Variants in INPP5F observed in about 807,000 individuals in gnomAD.
The protein encoded by INPP5F is inositol polyphosphate-5-phosphatase F.
In INPP5F, 97 loss-of-function variants were observed where a neutral mutation model predicts 137.2. The ratio of observed to expected loss-of-function variants is 0.71; its 90% CI spans 0.60 to 0.84. INPP5F has a LOEUF of 0.84. Among genes scored for constraint, INPP5F ranks in the 40% least tolerant of loss-of-function variants. The probability of loss-of-function intolerance (pLI) is 0.00; values close to 1 mark genes in which losing one functional copy is unlikely to be tolerated. For synonymous variants in INPP5F, 504 were observed against 476.9 expected, an observed-to-expected ratio of 1.06 and a Z score of -0.74; for missense variants, 1,271 against 1,371.9, an observed-to-expected ratio of 0.93 and a Z score of 1.16.
rs754649105 is a variant in INPP5F, at chr10:119,798,607, A to ACAGGT, written c.1114_1116+2dup. 4.4e-6 allele frequency: 7 copies of ACAGGT among 1,609,116 alleles called. No homozygotes were observed. Among genetic ancestry groups the ACAGGT allele is most frequent in the Non-Finnish European group, 5.9e-6 (7 of 1,176,530 alleles). ...AAGAACAACTGAACATTTACAAAAAACAGGTGGGCTTTGATTTACAGTAGT... is the reference window on the plus strand; with the variant it reads ...AAGAACAACTGAACATTTACAAAAAACAGGTCAGGTGGGCTTTGATTTACAGTAGT... On this transcript the variant is annotated frameshift_variant, in exon 9 of 20. Coordinates refer to ENST00000650623, the MANE Select transcript of INPP5F (RefSeq NM_014937.4). LOFTEE classifies it high-confidence loss of function.
intron 13 of INPP5F, among the ~76,000 whole-genome samples, chr10:119,808,340 C>T (rs1850882606): frequency 6.6e-6 from 1 of 152,162 alleles, no homozygotes; most frequent in Non-Finnish European, 1.5e-5. Flanking sequence ...TTCTGGAAAT[C>T]CAGAATTTTA....
At chr10:119,742,685 T>G (rs1414048035) in intron 1 of INPP5F, among the ~76,000 whole-genome samples, 1 of 152,040 alleles carries the variant, frequency 6.6e-6, no homozygotes, top group African/African-American at 2.4e-5. Context: ...TAGAGAAACT[T>G]ATGGTGTTAG....
At chr10:119,796,658 A>G in intron 6 of INPP5F, 57 bp from the exon 7 acceptor site, 1 of 1,328,188 alleles carries the variant, frequency 7.5e-7, no homozygotes. Context: ...GTTTGGGTTT[A>G]AGAAAGTAGC....
In INPP5F at chr10:119,826,930, A is replaced by G; in HGVS notation, c.2549A>G (p.Asp850Gly). 1 of 1,613,988 alleles carries G rather than the reference A, an allele frequency of 6.2e-7. No homozygotes were observed. The highest frequency in any genetic ancestry group is 8.5e-7 in the Non-Finnish European group (1 of 1,179,798). ...AAGGTTCAGGCAGAGTCTGATGGGG[A>G]CATGTCTTCAGATAATGACTCATAC... ...MDKVQAESDG[D>G]MSSDNDSYHS... The change falls in exon 20 of 20, where the codon GAC becomes GGC. Residue 850 changes from aspartate (D) to glycine (G), a missense_variant. By Grantham distance (94) the Asp-to-Gly change is moderately conservative. Coordinates refer to ENST00000650623, the MANE Select transcript of INPP5F (RefSeq NM_014937.4).
chr10:119,820,760 C>A, intron 15 of INPP5F, 86 bp from the exon 16 acceptor site: 1 of 1,083,604 alleles, frequency 9.2e-7, no homozygotes, highest in Non-Finnish European at 1.4e-6. Context: ...ATTTTTTGTC[C>A]TAAGTAGCTC....
At chr10:119,800,392 GAA>G (rs35460473) in intron 9 of INPP5F, among the ~76,000 whole-genome samples, 10 of 117,488 alleles carry the variant, frequency 8.5e-5, no homozygotes, top group East Asian at 2.5e-4. Context: ...TGTCTCTACT[GAA>G]AAAAAAAAAA....
chr10:119,819,340 C>G (rs931210959), intron 15 of INPP5F: 2 of 1,186,846 alleles, frequency 1.7e-6, no homozygotes, highest in Non-Finnish European at 2.1e-6. Flanking sequence ...TTTCCGACTG[C>G]CTGTTACGTG....
At chr10:119,771,882 A>ATATATT (rs1564820059) in intron 2 of INPP5F, among the ~76,000 whole-genome samples, 1 of 24,166 alleles carries the variant, frequency 4.1e-5, no homozygotes, top group African/African-American at 1.9e-4. Context: ...ATATATATAT[A>ATATATT]TTTTTTTTTT....
chr10:119,752,074 A>C (rs1024190419), intron 2 of INPP5F, among the ~76,000 whole-genome samples: 14 of 152,196 alleles, frequency 9.2e-5, no homozygotes, highest in African/African-American at 3.4e-4. Context: ...TTTTTATTTA[A>C]AAATAATATT....
rs1277443909 is a variant in INPP5F, at chr10:119,806,459, G to A, written c.1419G>A (p.Ala473=). ...CCAACGTGGTCCAAGCTGCCATCGC[G>A]AGAGTGGTCATGGAACAGCAGGTAA... ...DRTNVVQAAI[A]RVVMEQQLKK... is the part of the protein sequence containing the mutation. Residue 473 remains alanine (A), a synonymous_variant, in exon 12 of 20, where the codon GCG becomes GCA. Coordinates refer to ENST00000650623, the MANE Select transcript of INPP5F (RefSeq NM_014937.4). 3.1e-6 allele frequency: 5 copies of A among 1,607,524 alleles called. No homozygotes were observed. The highest frequency in any genetic ancestry group is 4.2e-6 in the Non-Finnish European group (5 of 1,177,584).
chr10:119,736,828 T>C (rs1377621404), intron 1 of INPP5F, among the ~76,000 whole-genome samples: 1 of 152,230 alleles, frequency 6.6e-6, no homozygotes, highest in Non-Finnish European at 1.5e-5. Flanking sequence ...AATAAAAATG[T>C]CTAGAAATTT....
At chr10:119,802,737 T>C (rs1160270813) in intron 9 of INPP5F, among the ~76,000 whole-genome samples, 1 of 152,192 alleles carries the variant, frequency 6.6e-6, no homozygotes, top group East Asian at 1.9e-4. Context: ...AATTGCTGGA[T>C]CAGACATTAT....
intron 19 of INPP5F, among the ~76,000 whole-genome samples, chr10:119,825,358 CT>C (rs1242638537): frequency 6.6e-6 from 1 of 152,030 alleles, no homozygotes; most frequent in Non-Finnish European, 1.5e-5. Context: ...AAGAAAAACT[CT>C]GAAGACCCAG....
intron 14 of INPP5F, among the ~76,000 whole-genome samples, chr10:119,810,500 A>C (rs1332017141): frequency 1.3e-5 from 2 of 152,218 alleles, no homozygotes; most frequent in Non-Finnish European, 2.9e-5. Flanking sequence ...GTGTGGAATA[A>C]GGTGCCCTAA....
At chr10:119,727,229 G>A (rs1171167422) in intron 1 of INPP5F, among the ~76,000 whole-genome samples, 1 of 152,184 alleles carries the variant, frequency 6.6e-6, no homozygotes, top group Non-Finnish European at 1.5e-5. Flanking sequence ...TAGGGAAAGC[G>A]AGAGGATAGA....
chr10:119,794,826 GGGCGGC>G (rs1850287274), intron 6 of INPP5F, among the ~76,000 whole-genome samples: 29 of 116,496 alleles, frequency 2.5e-4, no homozygotes, highest in Admixed American at 8.8e-4. Context: ...CTCCCAGAAG[GGGCGGC>G]TGGCCGGGCG....
intron 2 of INPP5F, among the ~76,000 whole-genome samples, chr10:119,762,186 TTGTC>T (rs1283097206): frequency 2.0e-5 from 3 of 152,194 alleles, no homozygotes; most frequent in African/African-American, 7.2e-5. Flanking sequence ...TAATAGTTCT[TTGTC>T]TGTTTGGGCT....
rs934138938 is a variant in INPP5F at position 119,781,670 on chromosome 10, G to A, written c.214G>A (p.Ala72Thr). Residue 72 changes from alanine (A) to threonine (T), a missense_variant, in exon 3 of 20, where the codon GCA becomes ACA. Physicochemically the swap from Ala to Thr is moderately conservative, Grantham distance 58. Transcript: ENST00000650623. ...GTGGCTTATTCTAATTCGGCAGAAA[G>A]CATTGGTGGGCAAACTCCCAGGAGA... is the stretch of plus-strand genomic sequence containing the variant. ...PWWLILIRQKALVGKLPGDHE... is the reference protein window; with the variant it reads ...PWWLILIRQKTLVGKLPGDHE... 11 of 1,612,170 alleles carry A rather than the reference G, an allele frequency of 6.8e-6. No homozygotes were observed. The African/African-American group carries it at 1.2e-4, about 18-fold the overall frequency.
chr10:119,808,964 C>G (rs1230358769), intron 13 of INPP5F, among the ~76,000 whole-genome samples: 1 of 152,188 alleles, frequency 6.6e-6, no homozygotes, highest in African/African-American at 2.4e-5. Context: ...TGGCTCAACC[C>G]TGTAATCCCA....
Sources: gnomAD v4.1 joint callset for allele counts (sites outside exome capture counted in the v4.1 genomes callset) on GRCh38, gnomAD v4.1.1 for gene constraint, MANE v1.5 for transcripts, NCBI Gene and HGNC (gene_info 2026-07-23, HGNC 2026-07-21) for gene names.